Variants in ERBB4 observed in about 807,000 individuals in gnomAD.
ERBB4 encodes the protein erb-b2 receptor tyrosine kinase 4.
In ERBB4, 42 loss-of-function variants were observed where a neutral mutation model predicts 158.0. That is an observed-to-expected ratio of 0.27 (90% CI 0.21 to 0.34). The LOEUF is 0.34. Among genes scored for constraint, ERBB4 ranks in the 10% least tolerant of loss-of-function variants. The pLI is 1.00. For missense variants in ERBB4, 1,333 were observed against 1,624.1 expected (o/e 0.82, Z 3.08); for synonymous variants, 583 against 558.7 (o/e 1.04, Z -0.61).
intron 2 of ERBB4, among the ~76,000 whole-genome samples, chr2:211,988,810 C>A (rs567586761): frequency 1.3e-5 from 2 of 152,110 alleles, no homozygotes; most frequent in South Asian, 4.1e-4. Flanking sequence ...TGTTTTCCAA[C>A]CCCAAGGTCA....
intron 2 of ERBB4, among the ~76,000 whole-genome samples, chr2:212,030,683 C>T (rs987340148): frequency 6.6e-6 from 1 of 152,054 alleles, no homozygotes; most frequent in South Asian, 2.1e-4. Context: ...AGAATATGTA[C>T]CTCAAAGTTA....
At chr2:211,763,846 A>G (rs1490539419) in intron 4 of ERBB4, among the ~76,000 whole-genome samples, 1 of 151,840 alleles carries the variant, frequency 6.6e-6, no homozygotes, top group African/African-American at 2.4e-5. Context: ...CCACTTTTTC[A>G]TCTGTCAAAG....
chr2:212,129,062 A>G (rs2080029617), intron 1 of ERBB4, among the ~76,000 whole-genome samples: 1 of 152,018 alleles, frequency 6.6e-6, no homozygotes, highest in South Asian at 2.1e-4. Context: ...AATTATCTCA[A>G]ATTCCAATGA....
chr2:212,290,248 C>T (rs1251901425), intron 1 of ERBB4, among the ~76,000 whole-genome samples: 1 of 152,054 alleles, frequency 6.6e-6, no homozygotes, highest in Non-Finnish European at 1.5e-5. Flanking sequence ...TGTTCTGTTT[C>T]CTTCTTTTCC....
chr2:212,061,493 A>C (rs1328551710), intron 2 of ERBB4, among the ~76,000 whole-genome samples: 2 of 139,144 alleles, frequency 1.4e-5, no homozygotes, highest in East Asian at 4.6e-4. Context: ...AGCTTCCAGG[A>C]GACAACAATT....
chr2:212,225,190 C>A lies in ERBB4; in HGVS notation c.83-100287G>T, dbSNP rs1032800452. The stretch of plus-strand genomic sequence containing the variant: ...TAAAATAATTTTTACAGCTTCTCTG[C>A]TTAGAAAAATTGTAATTGTTCTGTT... On this transcript the variant is annotated intron_variant, in intron 1 of 27. Coordinates refer to ENST00000342788, the MANE Select transcript of ERBB4 (RefSeq NM_005235.3). 5.3e-5 allele frequency among the ~76,000 whole-genome samples: 8 copies of A among 152,052 alleles called. No individual in the cohort carries two copies. In the East Asian group the frequency reaches 1.4e-3, roughly 26 times the overall value.
chr2:212,448,834 T>C (rs769834898), intron 1 of ERBB4, among the ~76,000 whole-genome samples: 1 of 152,182 alleles, frequency 6.6e-6, no homozygotes, highest in Non-Finnish European at 1.5e-5. Flanking sequence ...TTTATTTTAA[T>C]TGCTGTTAAG....
chr2:211,719,401 A>G (rs1439013725), intron 7 of ERBB4, among the ~76,000 whole-genome samples: 3 of 151,778 alleles, frequency 2.0e-5, no homozygotes, highest in Non-Finnish European at 4.4e-5. Context: ...TTTCCCGAAC[A>G]CAGTCATAGG....
intron 20 of ERBB4, among the ~76,000 whole-genome samples, chr2:211,478,094 A>C (rs2065000585): frequency 6.6e-6 from 1 of 152,146 alleles, no homozygotes; most frequent in African/African-American, 2.4e-5. Flanking sequence ...CTGCAGGTGC[A>C]CACTCAGCCA....
chr2:212,534,562 G>A (rs931835598), intron 1 of ERBB4, among the ~76,000 whole-genome samples: 20 of 152,172 alleles, frequency 1.3e-4, no homozygotes, highest in Non-Finnish European at 2.4e-4. Flanking sequence ...TTATCAGAAA[G>A]AATGAAAACT....
At chr2:211,600,718 G>T (rs1243595886) in intron 19 of ERBB4, among the ~76,000 whole-genome samples, 1 of 152,158 alleles carries the variant, frequency 6.6e-6, no homozygotes, top group Admixed American at 6.5e-5. Flanking sequence ...ACCACACACA[G>T]TGGAAAATGG....
chr2:212,127,487 G>C (rs2079973805), intron 1 of ERBB4, among the ~76,000 whole-genome samples: 2 of 152,102 alleles, frequency 1.3e-5, no homozygotes, highest in Admixed American at 6.5e-5. Flanking sequence ...AGCTACTCGG[G>C]AGGCTGAGGC....
intron 2 of ERBB4, among the ~76,000 whole-genome samples, chr2:212,067,580 T>G (rs1275807468): frequency 6.6e-6 from 1 of 152,016 alleles, no homozygotes; most frequent in African/African-American, 2.4e-5. Flanking sequence ...GGTACAAATC[T>G]CATACCTGAT....
At chr2:211,901,348 G>A (rs1322432513) in intron 3 of ERBB4, among the ~76,000 whole-genome samples, 3 of 152,126 alleles carry the variant, frequency 2.0e-5, no homozygotes, top group Non-Finnish European at 2.9e-5. Context: ...AAACTGTCTG[G>A]TAAGTAGATG....
chr2:211,937,995 A>G (rs1468494057), intron 3 of ERBB4, among the ~76,000 whole-genome samples: 1 of 152,180 alleles, frequency 6.6e-6, no homozygotes, highest in Non-Finnish European at 1.5e-5. Flanking sequence ...CATATTTAGA[A>G]GCAATGCATG....
chr2:211,637,408 A>G (rs2070401485), intron 16 of ERBB4, among the ~76,000 whole-genome samples: 1 of 151,908 alleles, frequency 6.6e-6, no homozygotes, highest in African/African-American at 2.4e-5. Context: ...GTCTGTTTCC[A>G]TAAGAGAAAG....
intron 1 of ERBB4, among the ~76,000 whole-genome samples, chr2:212,297,433 T>G (rs1447944057): frequency 6.6e-6 from 1 of 151,964 alleles, no homozygotes; most frequent in African/African-American, 2.4e-5. Flanking sequence ...ATGGTATATA[T>G]GTGATCCAGT....
chr2:211,538,524 G>T (rs2066714822), intron 20 of ERBB4, among the ~76,000 whole-genome samples: 11 of 151,776 alleles, frequency 7.2e-5, no homozygotes, highest in Admixed American at 7.2e-4. Flanking sequence ...CCTCAGAAAA[G>T]AATCATATGA....
At chr2:212,345,635 A>G (rs980484456) in intron 1 of ERBB4, among the ~76,000 whole-genome samples, 2 of 152,228 alleles carry the variant, frequency 1.3e-5, no homozygotes, top group African/African-American at 4.8e-5. Context: ...TGGGTAAATA[A>G]CAGGTATATA....
Sources: allele counts gnomAD v4.1 joint callset (sites outside exome capture counted in the v4.1 genomes callset), GRCh38; gene constraint gnomAD v4.1.1; transcripts MANE v1.5; gene names NCBI Gene and HGNC (gene_info 2026-07-23, HGNC 2026-07-21).